WWTR1: variants seen among roughly 807,000 people sequenced by gnomAD.
WWTR1 encodes WW domain-containing transcription regulator protein 1.
In WWTR1, 13 loss-of-function variants were observed where a neutral mutation model predicts 40.1. The ratio of observed to expected loss-of-function variants is 0.32; its 90% CI spans 0.21 to 0.52. The LOEUF (loss-of-function observed/expected upper bound fraction) is 0.52. Among genes scored for constraint, WWTR1 ranks in the 20% least tolerant of loss-of-function variants. WWTR1 has a pLI of 0.97. For missense variants in WWTR1, 436 were observed against 523.1 expected (o/e 0.83, Z 1.63); for synonymous variants, 230 against 210.1 (o/e 1.09, Z -0.82).
chr3:149,586,633 C>G (rs950628620), intron 2 of WWTR1, among the ~76,000 whole-genome samples: 1 of 152,068 alleles, frequency 6.6e-6, no homozygotes, highest in African/African-American at 2.4e-5. Context: ...GTGATAGGAA[C>G]TTCTCTTGTT....
At chr3:149,660,275 T>G (rs1321287191), upstream of WWTR1, 1 of 152,122 alleles carries the variant, frequency 6.6e-6, no homozygotes, top group African/African-American at 2.4e-5. Flanking sequence ...AGATGAAAAC[T>G]TGAGGCCAGC....
At chr3:149,702,067 A>C (rs925481719) in intron 1 of WWTR1, 5 of 166,008 alleles carry the variant, frequency 3.0e-5, no homozygotes, top group East Asian at 2.4e-4. Context: ...ATGTAACAAA[A>C]AAAAAAAAAA....
At chr3:149,664,355 A>G (rs1166009501) in intron 2 of WWTR1, among the ~76,000 whole-genome samples, 1 of 152,254 alleles carries the variant, frequency 6.6e-6, no homozygotes, top group East Asian at 1.9e-4. Context: ...CAGTTCCTTG[A>G]CAAATCAAAC....
chr3:149,643,100 G>C (rs1029818506), intron 2 of WWTR1, among the ~76,000 whole-genome samples: 1 of 152,152 alleles, frequency 6.6e-6, no homozygotes, highest in Admixed American at 6.5e-5. Flanking sequence ...ACTCAAACCA[G>C]TTTGATATAA....
At chr3:149,539,243 T>C (rs1389778033) in intron 4 of WWTR1, among the ~76,000 whole-genome samples, 2 of 152,202 alleles carry the variant, frequency 1.3e-5, no homozygotes, top group African/African-American at 2.4e-5. Flanking sequence ...AATATTTATA[T>C]AGCATATTCT....
chr3:149,622,502 G>GAAGAAAAGAAAGAAAGAAAGA (rs1740343986), intron 2 of WWTR1, among the ~76,000 whole-genome samples: 2 of 46,298 alleles, frequency 4.3e-5, no homozygotes, highest in Admixed American at 3.0e-4. Flanking sequence ...AGGAAGGAAG[G>GAAGAAAAGAAAGAAAGAAAGA]AAGAAAGAAA....
intron 1 of WWTR1, among the ~76,000 whole-genome samples, chr3:149,673,611 AT>A (rs897001597): frequency 6.6e-6 from 1 of 152,134 alleles, no homozygotes; most frequent in African/African-American, 2.4e-5. Context: ...GCTCAGAGAC[AT>A]TTTTTCCAGC....
chr3:149,703,805 T>C (rs1559846085), upstream of WWTR1, among the ~76,000 whole-genome samples: 1 of 152,168 alleles, frequency 6.6e-6, no homozygotes, highest in South Asian at 2.1e-4. Context: ...CTCTTTGCCA[T>C]GTGACACATC....
chr3:149,625,100 CTTTTTTTTT>C (rs759849000), intron 2 of WWTR1, among the ~76,000 whole-genome samples: 2 of 96,382 alleles, frequency 2.1e-5, no homozygotes, highest in Non-Finnish European at 4.3e-5. Context: ...CAACTCTACC[CTTTTTTTTT>C]TTTTTTTTTT....
intron 2 of WWTR1, among the ~76,000 whole-genome samples, chr3:149,580,349 G>A (rs1359458365): frequency 1.3e-5 from 2 of 152,126 alleles, no homozygotes; most frequent in Non-Finnish European, 2.9e-5. Context: ...AATTCTCCCA[G>A]GCCCAGATGC....
At chr3:149,555,861 A>G (rs974822004) in intron 3 of WWTR1, among the ~76,000 whole-genome samples, 30 of 152,248 alleles carry the variant, frequency 2.0e-4, no homozygotes, top group African/African-American at 7.0e-4. Context: ...TAACAAATGT[A>G]CAGAATAATT....
chr3:149,586,383 T>C (rs909213119), intron 2 of WWTR1, among the ~76,000 whole-genome samples: 11 of 152,088 alleles, frequency 7.2e-5, no homozygotes, highest in Admixed American at 6.6e-5. Flanking sequence ...AGTTTTATTC[T>C]GTAACACTCG....
At chr3:149,528,609 G>A (rs1401272396) in intron 4 of WWTR1, among the ~76,000 whole-genome samples, 1 of 152,132 alleles carries the variant, frequency 6.6e-6, no homozygotes, top group Non-Finnish European at 1.5e-5. Flanking sequence ...CTGCAACATG[G>A]TGAAACCCTG....
intron 2 of WWTR1, among the ~76,000 whole-genome samples, chr3:149,656,290 T>C (rs1302284991): frequency 6.6e-6 from 1 of 152,216 alleles, no homozygotes; most frequent in Admixed American, 6.5e-5. Flanking sequence ...GATTGATTTG[T>C]CCAGCCCACA....
intron 2 of WWTR1, among the ~76,000 whole-genome samples, chr3:149,615,581 A>C (rs756045433): frequency 2.0e-5 from 3 of 152,334 alleles, no homozygotes; most frequent in Admixed American, 6.5e-5. Context: ...CCAATTACGA[A>C]TCAGTATTTC....
chr3:149,548,946 T>G (rs1187662540), intron 3 of WWTR1, among the ~76,000 whole-genome samples: 1 of 152,106 alleles, frequency 6.6e-6, no homozygotes, highest in African/African-American at 2.4e-5. Flanking sequence ...TTCCTAACAG[T>G]ACTTCGGTTC....
At chr3:149,653,057 C>T (rs755691719) in intron 2 of WWTR1, among the ~76,000 whole-genome samples, 3 of 152,072 alleles carry the variant, frequency 2.0e-5, no homozygotes, top group Non-Finnish European at 2.9e-5. Context: ...AAAAATGAGA[C>T]GTGGCAGCCA....
At chr3:149,562,187 C>A (rs955045427) in intron 3 of WWTR1, among the ~76,000 whole-genome samples, 13 of 151,476 alleles carry the variant, frequency 8.6e-5, no homozygotes, top group African/African-American at 3.2e-4. Flanking sequence ...CCCAGCTACT[C>A]AGGAGGCTGA....
At chr3:149,676,451 GT>G (rs5853436) in intron 1 of WWTR1, among the ~76,000 whole-genome samples, 91,222 of 151,656 alleles carry the variant, frequency 0.6, 27,519 homozygotes, top group East Asian at 0.67. Flanking sequence ...GATTCTTTGT[GT>G]TTTTTTTGCG....
Sources: gnomAD v4.1 joint callset for allele counts (sites outside exome capture counted in the v4.1 genomes callset) on GRCh38, gnomAD v4.1.1 for gene constraint, MANE v1.5 for transcripts, NCBI Gene and HGNC (gene_info 2026-07-23, HGNC 2026-07-21) for gene names.